The following ZMYM5 variants were observed in gnomAD, a reference collection of about 807,000 sequenced individuals.
The protein encoded by ZMYM5 is zinc finger MYM-type protein 5.
Under a neutral mutation model 61.8 loss-of-function variants are expected in ZMYM5, and 41 were observed. That is an observed-to-expected ratio of 0.66 (90% confidence interval 0.52 to 0.86). The LOEUF is 0.86. Ranked by LOEUF, ZMYM5 falls within the 40% of genes least tolerant of loss-of-function variation. The pLI, the probability that ZMYM5 is intolerant of heterozygous loss-of-function variation, is 0.00. For synonymous variants in ZMYM5, 257 were observed against 276.4 expected (o/e 0.93, Z 0.70); for missense variants, 706 against 786.7 (o/e 0.90, Z 1.23).
At chr13:19,838,575 T>A in intron 5 of ZMYM5, 125 bp downstream of exon 5, 3 of 1,234,342 alleles carry the variant, frequency 2.4e-6, no homozygotes, top group East Asian at 2.5e-5. Context: ...TCAAGCTCAA[T>A]AAACTTGAAG....
chr13:19,831,787 CAA>C (rs1190448216), intron 7 of ZMYM5, among the ~76,000 whole-genome samples: 51 of 36,674 alleles, frequency 1.4e-3, no homozygotes, highest in African/African-American at 6.6e-3. Context: ...GACTCTGTCT[CAA>C]AAAAAAAAAA....
chr13:19,828,184 G>A (rs58708823), intron 7 of ZMYM5, among the ~76,000 whole-genome samples: 1 of 151,256 alleles, frequency 6.6e-6, no homozygotes, highest in African/African-American at 2.4e-5. Context: ...AAAAAATGCA[G>A]AGGTGTGGGC....
chr13:19,834,998 T>C (rs2138509012), intron 7 of ZMYM5, among the ~76,000 whole-genome samples: 1 of 150,964 alleles, frequency 6.6e-6, no homozygotes, highest in African/African-American at 2.4e-5. Context: ...TTCTTTCTTT[T>C]TTTTTTTTTT....
At chr13:19,853,653 G>A (rs997956283) in intron 2 of ZMYM5, among the ~76,000 whole-genome samples, 3 of 150,786 alleles carry the variant, frequency 2.0e-5, no homozygotes, top group Non-Finnish European at 4.4e-5. Context: ...TGTCACTCAG[G>A]TACAGTGGCG....
chr13:19,849,183 G>A (rs552035979), intron 4 of ZMYM5, among the ~76,000 whole-genome samples: 19 of 152,160 alleles, frequency 1.2e-4, no homozygotes, highest in South Asian at 1.0e-3. Flanking sequence ...GGAGTGCAGC[G>A]GTAGGATTAA....
At chr13:19,849,785 G>C (rs1193326238) in intron 4 of ZMYM5, among the ~76,000 whole-genome samples, 1 of 151,994 alleles carries the variant, frequency 6.6e-6, no homozygotes, top group Non-Finnish European at 1.5e-5. Flanking sequence ...TTTGAGACCA[G>C]CCTGGCCAAC....
intron 2 of ZMYM5, among the ~76,000 whole-genome samples, chr13:19,856,696 G>C (rs1593918133): frequency 6.6e-6 from 1 of 151,980 alleles, no homozygotes; most frequent in South Asian, 2.1e-4. Context: ...TGGAGTCCCA[G>C]CCACTCAGGA....
In ZMYM5 at chr13:19,825,187, T is replaced by G; in HGVS notation, c.1300A>C (p.Arg434=). ...KKLTASENRK[R]NAFREENEKQ... Reference sequence around the variant, plus strand: ...TCATTTTCTTCTCTAAAAGCATTCCTTTTTCTATTTTCTGATGCTGTTAAT... The same window carrying G: ...TCATTTTCTTCTCTAAAAGCATTCCGTTTTCTATTTTCTGATGCTGTTAAT... The change falls in exon 8 of 8, where the codon AGG becomes CGG. Residue 434 remains arginine (R), a synonymous_variant. Coordinates refer to ENST00000337963, the MANE Select transcript of ZMYM5 (RefSeq NM_001142684.2). 1 of 1,284,800 alleles carries G rather than the reference T, an allele frequency of 7.8e-7. No homozygotes were observed. Among genetic ancestry groups the G allele is most frequent in the Non-Finnish European group, 1.0e-6 (1 of 984,098 alleles). The allele number at this position is 1,284,800 out of a possible 1,614,324, so 79.6% of individuals were successfully genotyped here.
At chr13:19,830,557 A>T (rs902894684) in intron 7 of ZMYM5, among the ~76,000 whole-genome samples, 2 of 151,934 alleles carry the variant, frequency 1.3e-5, no homozygotes, top group African/African-American at 4.8e-5. Context: ...AATTTTTGAG[A>T]CAGTCTCACA....
intron 2 of ZMYM5, among the ~76,000 whole-genome samples, chr13:19,857,039 G>C (rs1206945669): frequency 6.6e-6 from 1 of 152,182 alleles, no homozygotes; most frequent in Non-Finnish European, 1.5e-5. Flanking sequence ...CCGGGAGGCG[G>C]AGCTTGCAGT....
At chr13:19,862,551 G>A (rs1275154751) in intron 1 of ZMYM5, 85 bp from the exon 2 acceptor site, 2 of 152,252 alleles carry the variant, frequency 1.3e-5, no homozygotes, top group South Asian at 2.1e-4. Flanking sequence ...AAAGGGGTAA[G>A]AGGCCAAGGA....
chr13:19,861,305 T>A lies in ZMYM5; in HGVS notation c.-11+1094A>T, dbSNP rs1383522050. 2.6e-5 allele frequency among the ~76,000 whole-genome samples: 4 copies of A among 152,266 alleles called. No individual in the cohort carries two copies. In the East Asian group the frequency reaches 7.7e-4, roughly 29 times the overall value. ...CTGGGACTACAGGCATGTGCCACCA[T>A]GCTCAGCTAATTTTTGTATTTTTTG... On this transcript the variant is annotated intron_variant, in intron 2 of 7. Coordinates refer to ENST00000337963, the MANE Select transcript of ZMYM5 (RefSeq NM_001142684.2).
At chr13:19,852,250 A>G in intron 2 of ZMYM5, 60 bp from the exon 3 acceptor site, 2 of 1,443,100 alleles carry the variant, frequency 1.4e-6, no homozygotes, top group Non-Finnish European at 1.8e-6. Flanking sequence ...GCATTTTACT[A>G]CAATAAAATA....
At chr13:19,851,474 GT>G in intron 3 of ZMYM5, 26 bp from the exon 4 acceptor site, 1 of 1,609,394 alleles carries the variant, frequency 6.2e-7, no homozygotes, top group Admixed American at 1.7e-5. Context: ...TGGGGTGTAC[GT>G]TTGTATATTA....
chr13:19,853,604 T>C (rs1953393286), intron 2 of ZMYM5, among the ~76,000 whole-genome samples: 1 of 151,764 alleles, frequency 6.6e-6, no homozygotes, highest in Admixed American at 6.6e-5. Context: ...GGCCTCAGTT[T>C]TTTTTTTCTT....
At chr13:19,834,269 C>A (rs1474199588) in intron 7 of ZMYM5, among the ~76,000 whole-genome samples, 6 of 151,408 alleles carry the variant, frequency 4.0e-5, no homozygotes, top group Non-Finnish European at 8.8e-5. Context: ...TGAGCCACCA[C>A]GTCCAGCCTA....
At chr13:19,840,748 C>T (rs999933517) in intron 4 of ZMYM5, among the ~76,000 whole-genome samples, 2 of 151,744 alleles carry the variant, frequency 1.3e-5, no homozygotes, top group Non-Finnish European at 1.5e-5. Context: ...GCGATCTCGG[C>T]TCACTGCAAG....
At chr13:19,827,342 G>A (rs780696074) in intron 7 of ZMYM5, among the ~76,000 whole-genome samples, 4 of 152,078 alleles carry the variant, frequency 2.6e-5, no homozygotes, top group Non-Finnish European at 5.9e-5. Flanking sequence ...ATAATACTTT[G>A]TTCATCAATT....
At chr13:19,844,759 T>A (rs1241283123) in intron 4 of ZMYM5, among the ~76,000 whole-genome samples, 1 of 152,178 alleles carries the variant, frequency 6.6e-6, no homozygotes, top group Non-Finnish European at 1.5e-5. Context: ...GCAGCTGGGA[T>A]TACAGGTGGC....
Sources: gnomAD v4.1 joint callset for allele counts (sites outside exome capture counted in the v4.1 genomes callset) on GRCh38, gnomAD v4.1.1 for gene constraint, MANE v1.5 for transcripts, NCBI Gene and HGNC (gene_info 2026-07-23, HGNC 2026-07-21) for gene names.